CRELD2: variants seen among roughly 807,000 people sequenced by gnomAD.
CRELD2 encodes the protein protein disulfide isomerase CRELD2.
A neutral mutation model predicts 48.1 loss-of-function variants in CRELD2; 33 were observed. That is an observed-to-expected ratio of 0.69 (90% CI 0.52 to 0.92). CRELD2 has a LOEUF of 0.92. Ranked by LOEUF, CRELD2 falls within the 40% of genes least tolerant of loss-of-function variation. The pLI is 0.00. For missense variants in CRELD2, 477 were observed against 482.4 expected (o/e 0.99, Z 0.10); for synonymous variants, 220 against 203.9 (o/e 1.08, Z -0.67).
intron 4 of CRELD2, 128 bp downstream of exon 4, chr22:49,920,375 C>T (rs1032761916): frequency 1.9e-4 from 121 of 630,698 alleles, no homozygotes; most frequent in African/African-American, 1.8e-3. Flanking sequence ...GGGACCCTGC[C>T]GGATGGCTGC....
intron 6 of CRELD2, among the ~76,000 whole-genome samples, 162 bp downstream of exon 6, chr22:49,922,869 T>TG (rs1186592077): frequency 5.7e-4 from 15 of 26,512 alleles, no homozygotes; most frequent in Admixed American, 1.7e-3. Flanking sequence ...GCTTGGGGTG[T>TG]GGGGGGCGTG....
At chr22:49,919,187 G>A (rs2060649335) in intron 1 of CRELD2, 43 bp from the exon 2 acceptor site, 3 of 1,595,610 alleles carry the variant, frequency 1.9e-6, no homozygotes, top group East Asian at 2.2e-5. Flanking sequence ...CCCTGGACCC[G>A]GGTCAGGTGG....
rs148619787 is a variant in CRELD2 at position 49,921,658 on chromosome 22, C to T, written c.489C>T (p.Asp163=). 6.1e-4 allele frequency: 978 copies of T among 1,612,776 alleles called. 2 individuals are homozygous for T. The highest frequency in any genetic ancestry group is 1.5e-3 in the Middle Eastern group (9 of 6,062). Residue 163 remains aspartate (D), a synonymous_variant, in exon 5 of 10, where the codon GAC becomes GAT. Transcript: ENST00000328268. ...HCSGDGSRQG[D]GSCRCHMGYQ... The stretch of plus-strand genomic sequence containing the variant: ...GCGGAGATGGGAGCAGACAGGGCGA[C>T]GGGTCCTGCCGGTGCCACATGGGGT...
Position 49,918,638 on chromosome 22 carries a change from C to T in CRELD2, c.-132C>T, listed in dbSNP as rs2060637503. 5.8e-6 allele frequency: 2 copies of T among 346,662 alleles called. No homozygotes were observed. The highest frequency in any genetic ancestry group is 8.9e-5 in the East Asian group (2 of 22,402). 21.5% of individuals were successfully genotyped at this position (346,662 alleles called of 1,614,324 possible). A position where few individuals can be genotyped will look rare whatever the true frequency, so the allele number is the denominator to read the frequency against. On this transcript the variant is annotated 5_prime_UTR_variant, in exon 1 of 10. Transcript: ENST00000328268. ...CGCGGGGCTGGCGGGTGGGGCGGGG[C>T]CTCGCCGGCGCCGTCAAGTAGCCTG...
intron 8 of CRELD2, 104 bp downstream of exon 8, chr22:49,924,559 C>T (rs781742080): frequency 1.9e-4 from 153 of 797,028 alleles, no homozygotes; most frequent in East Asian, 1.2e-3. Flanking sequence ...AGTTGAGACC[C>T]GTCCTGCAGA....
chr22:49,920,859 G>A (rs1178541942), intron 4 of CRELD2, among the ~76,000 whole-genome samples: 2 of 152,190 alleles, frequency 1.3e-5, no homozygotes, highest in South Asian at 2.1e-4. Flanking sequence ...CCCTGCTGCT[G>A]TCCCTGGCAT....
intron 5 of CRELD2, 142 bp from the exon 6 acceptor site, chr22:49,922,470 G>A (rs952321218): frequency 1.3e-6 from 2 of 1,556,282 alleles, no homozygotes; most frequent in South Asian, 2.3e-5. Flanking sequence ...TGGAGTCCTG[G>A]TTTGCTGAGA....
chr22:49,922,044 C>A, intron 5 of CRELD2: 1 of 602,456 alleles, frequency 1.7e-6, no homozygotes, highest in Non-Finnish European at 2.9e-6. Context: ...CCATGCAGTG[C>A]ACAGGTCCTG....
At chr22:49,923,595 C>T (rs9627796) in intron 7 of CRELD2, 1 of 553,900 alleles carries the variant, frequency 1.8e-6, no homozygotes, top group East Asian at 3.2e-5. Flanking sequence ...GCAACGTGCC[C>T]TGCGTGACTT....
chr22:49,923,246 G>A lies in CRELD2; in HGVS notation c.701G>A (p.Cys234Tyr), dbSNP rs1349948983. ...CGCTCTGTTCCAGATGTGGACGAGT[G>A]TGCGGCCGAGCCGCCTCCCTGCAGC... The part of the protein sequence containing the change: ...DEGACVDVDE[C>Y]AAEPPPCSAA... Residue 234 changes from cysteine to tyrosine, a missense_variant, in exon 7 of 10, where the codon TGT (cysteine) becomes TAT (tyrosine). Coordinates refer to ENST00000328268, the MANE Select transcript of CRELD2 (RefSeq NM_024324.5). 2 of 1,584,666 alleles carry A rather than the reference G, an allele frequency of 1.3e-6. No individual in the cohort carries two copies. Among genetic ancestry groups the A allele is most frequent in the South Asian group, 1.2e-5 (1 of 85,392 alleles).
chr22:49,926,582 CTGGG>C (rs2060766302), intron 9 of CRELD2: 1 of 151,296 alleles, frequency 6.6e-6, no homozygotes. Flanking sequence ...CCCCTCTGCC[CTGGG>C]CTGGCCCTGC....
intron 4 of CRELD2, among the ~76,000 whole-genome samples, chr22:49,920,917 G>A (rs145721315): frequency 2.0e-5 from 3 of 152,326 alleles, no homozygotes; most frequent in African/African-American, 7.2e-5. Flanking sequence ...CAGTCCCCGC[G>A]CCTGACGCGT....
chr22:49,925,259 C>A, intron 8 of CRELD2, 158 bp from the exon 9 acceptor site: 1 of 565,044 alleles, frequency 1.8e-6, no homozygotes, highest in East Asian at 3.0e-5. Context: ...GAAATTCTTC[C>A]CTCTCGAAGC....
chr22:49,924,432 C>G lies in CRELD2; in HGVS notation c.845C>G (p.Ala282Gly). ...GNCKECISGYAREHGQCADVD... is the reference protein window; with the variant it reads ...GNCKECISGYGREHGQCADVD... Reference sequence around the variant, plus strand: ...TGTAAAGAGTGTATCTCTGGCTACGCGAGGGAGCACGGACAGTGTGCAGGT... The same window carrying G: ...TGTAAAGAGTGTATCTCTGGCTACGGGAGGGAGCACGGACAGTGTGCAGGT... The change falls in exon 8 of 10, where the codon GCG becomes GGG. Residue 282 changes from alanine (A) to glycine (G), a missense_variant. By Grantham distance (60) the Ala-to-Gly change is moderately conservative. Coordinates refer to ENST00000328268, the MANE Select transcript of CRELD2 (RefSeq NM_024324.5). 6.2e-7 allele frequency: 1 copy of G among 1,609,422 alleles called. No individual in the cohort carries two copies. The highest frequency in any genetic ancestry group is 8.5e-7 in the Non-Finnish European group (1 of 1,177,804).
At chr22:49,925,586 G>A (rs374820529) in intron 9 of CRELD2, 29 bp downstream of exon 9, 1 of 1,612,008 alleles carries the variant, frequency 6.2e-7, no homozygotes, top group Non-Finnish European at 8.5e-7. Context: ...CTCCACACAG[G>A]CTGCCCTCCC....
chr22:49,922,142 C>T (rs924595813), intron 5 of CRELD2: 102 of 845,360 alleles, frequency 1.2e-4, no homozygotes, highest in Non-Finnish European at 1.5e-4. Flanking sequence ...TTCCAAAGGA[C>T]GTTTTCTCCC....
chr22:49,926,940 G>T (rs1317115865), intron 9 of CRELD2, among the ~76,000 whole-genome samples: 2 of 110,404 alleles, frequency 1.8e-5, no homozygotes. Context: ...CCCACCCTCG[G>T]TCCCCTCTTT....
rs759148799 is a variant in CRELD2 at position 49,918,835 on chromosome 22, G to A, written c.66G>A (p.Pro22=). 16 of 1,322,360 alleles carry A rather than the reference G, an allele frequency of 1.2e-5. No homozygotes were observed. Among genetic ancestry groups the A allele is most frequent in the Non-Finnish European group, 3.8e-6 (4 of 1,039,820 alleles). The allele number at this position is 1,322,360 out of a possible 1,614,324, so 81.9% of individuals were successfully genotyped here. A position where few individuals can be genotyped will look rare whatever the true frequency, so the allele number is the denominator to read the frequency against. The change falls in exon 1 of 10, where the codon CCG becomes CCA. Residue 22 remains proline (P), a synonymous_variant. Coordinates refer to ENST00000328268, the MANE Select transcript of CRELD2 (RefSeq NM_024324.5). The stretch of plus-strand genomic sequence containing the variant: ...TTCTGCTGCTGCTGCCGCCCGCGCC[G>A]GAGGCCGCCAAGAAGCCGACGCCCT... ...LPLLLLLPPA[P]EAAKKPTPCH... is the part of the protein sequence containing the mutation.
intron 4 of CRELD2, among the ~76,000 whole-genome samples, chr22:49,920,653 G>T (rs1463040152): frequency 6.6e-6 from 1 of 152,238 alleles, no homozygotes; most frequent in Non-Finnish European, 1.5e-5. Flanking sequence ...AGGGCACTGG[G>T]TGTCTATCAG....
Sources: gnomAD v4.1 joint callset for allele counts (sites outside exome capture counted in the v4.1 genomes callset) on GRCh38, gnomAD v4.1.1 for gene constraint, MANE v1.5 for transcripts, NCBI Gene and HGNC (gene_info 2026-07-23, HGNC 2026-07-21) for gene names.